ABCB11: variants seen among roughly 807,000 people sequenced by gnomAD.
ABCB11 encodes ATP binding cassette subfamily B member 11, also known as bile salt export pump.
ABCB11 carries 95 observed loss-of-function variants against 148.0 expected under a neutral mutation model. The observed-to-expected ratio is 0.64, with a 90% CI of 0.54 to 0.76. The LOEUF is 0.76. ABCB11 is among the 30% of genes least tolerant of loss of function. The pLI is 0.00. For synonymous variants in ABCB11, 591 were observed against 555.4 expected (o/e 1.06, Z -0.90); for missense variants, 1,523 against 1,617.8 (o/e 0.94, Z 1.01).
In ABCB11 at chr2:168,944,616, G is replaced by A; in HGVS notation, c.2599C>T (p.Gln867Ter). Reference sequence around the variant, plus strand: ...CTCCCATAGCTCACCCCTTGAACTTGGGAAGCATCTGTAGCAAGTCTTGTT... The same window carrying A: ...CTCCCATAGCTCACCCCTTGAACTTAGGAAGCATCTGTAGCAAGTCTTGTT... ...LTTRLATDAS[Q>*]VQGAAGSQIG... Residue 867 changes from glutamine (Q) to a stop codon, truncating the protein, a stop_gained, in exon 21 of 28, where the codon CAA becomes TAA. Transcript: ENST00000650372. LOFTEE classifies it high-confidence loss of function. 1 of 1,604,882 alleles carries A rather than the reference G, an allele frequency of 6.2e-7. No homozygotes were observed. Among genetic ancestry groups the A allele is most frequent in the Non-Finnish European group, 8.5e-7 (1 of 1,174,776 alleles).
Position 168,941,523 on chromosome 2 carries a change from A to G in ABCB11, c.2610+3082T>C, listed in dbSNP as rs77601801. 0.032 allele frequency among the ~76,000 whole-genome samples: 4,856 copies of G among 152,166 alleles called. 369 individuals carry two copies. The East Asian group carries it at 0.32, about 10-fold the overall frequency. On this transcript the variant is annotated intron_variant, in intron 21 of 27. Coordinates refer to ENST00000650372, the MANE Select transcript of ABCB11 (RefSeq NM_003742.4). ...TGCTGCATTAAATTGCTGCAATCTC[A>G]TGATAAAACTTGAATGGATAAGCAG... is the stretch of plus-strand genomic sequence containing the variant.
chr2:168,959,952 A>C (rs1334828662), intron 18 of ABCB11, among the ~76,000 whole-genome samples: 4 of 151,424 alleles, frequency 2.6e-5, no homozygotes, highest in Admixed American at 2.6e-4. Context: ...AAAAAAAAAA[A>C]AAAAAAACCC....
chr2:168,964,826 A>G (rs949712771), intron 17 of ABCB11, among the ~76,000 whole-genome samples: 4 of 151,872 alleles, frequency 2.6e-5, no homozygotes, highest in African/African-American at 9.7e-5. Flanking sequence ...TCAGACATGC[A>G]TGAATGAGTA....
intron 25 of ABCB11, among the ~76,000 whole-genome samples, chr2:168,929,777 G>A (rs34193789): frequency 0.19 from 28,624 of 152,092 alleles, 2,842 homozygotes; most frequent in Non-Finnish European, 0.21. Flanking sequence ...TAAATAGAAG[G>A]CCTAAAAAAT....
downstream of ABCB11, among the ~76,000 whole-genome samples, chr2:168,918,171 C>A (rs941649856): frequency 6.6e-6 from 1 of 152,102 alleles, no homozygotes; most frequent in African/African-American, 2.4e-5. Flanking sequence ...TTATTCCTTA[C>A]GTGGGGGCTG....
intron 13 of ABCB11, 139 bp downstream of exon 13, chr2:168,973,576 C>G (rs1418593073): frequency 3.7e-5 from 40 of 1,079,118 alleles, no homozygotes; most frequent in Non-Finnish European, 4.2e-5. Context: ...CGTGTCCCAT[C>G]AATTCAGTAA....
intron 24 of ABCB11, 148 bp from the exon 25 acceptor site, chr2:168,931,010 A>G: frequency 1.5e-6 from 1 of 686,924 alleles, no homozygotes; most frequent in Admixed American, 2.9e-5. Context: ...CAACTTAATA[A>G]AAGGACATTC....
intron 5 of ABCB11, 39 bp downstream of exon 5, chr2:169,013,233 G>A (rs768436395): frequency 6.7e-7 from 1 of 1,484,994 alleles, no homozygotes. Flanking sequence ...TTTAAGATAT[G>A]AGCAAAAAAG....
chr2:168,993,177 G>A (rs1419883051), intron 8 of ABCB11, among the ~76,000 whole-genome samples: 6 of 152,012 alleles, frequency 3.9e-5, no homozygotes, highest in Non-Finnish European at 8.8e-5. Context: ...AGTTGTGATT[G>A]CAGAAATCCT....
At chr2:168,927,902 C>T (rs1004094297) in intron 25 of ABCB11, among the ~76,000 whole-genome samples, 1 of 152,172 alleles carries the variant, frequency 6.6e-6, no homozygotes, top group Non-Finnish European at 1.5e-5. Flanking sequence ...CCACAAAGCA[C>T]CATCCTAAGC....
chr2:168,974,703 A>C (rs1053103646), intron 12 of ABCB11, among the ~76,000 whole-genome samples: 2 of 151,988 alleles, frequency 1.3e-5, no homozygotes, highest in Non-Finnish European at 2.9e-5. Flanking sequence ...AGGTTTAAGT[A>C]AGAAGATTTT....
At position 168,970,235 on chromosome 2, in the gene ABCB11, A is replaced by C; in HGVS notation, c.1639-20T>G. 1.2e-6 allele frequency: 2 copies of C among 1,606,186 alleles called. No homozygotes were observed. The highest frequency in any genetic ancestry group is 8.5e-7 in the Non-Finnish European group (1 of 1,175,676). ...AAATTGCTAGATGGAAGGTGACACC[A>C]GTCATGAAGGGAAAAGAATTTGATG... On this transcript the variant is annotated intron_variant, in intron 14 of 27. Transcript: ENST00000650372.
At chr2:168,944,562 C>T (rs1692213186) in intron 21 of ABCB11, 43 bp downstream of exon 21, 3 of 1,530,886 alleles carry the variant, frequency 2.0e-6, no homozygotes, top group Non-Finnish European at 2.6e-6. Flanking sequence ...TGAAAGAATG[C>T]CAATGCAGTT....
In ABCB11 at chr2:168,939,003, G is replaced by C. The variant is rs896377303; in HGVS notation, c.2611-2570C>G. Among the ~76,000 whole-genome samples the C allele has an allele frequency of 9.2e-5, 14 of 151,502 alleles. 1 individual carries two copies. Among genetic ancestry groups the C allele is most frequent in the Non-Finnish European group, 1.5e-4 (10 of 67,882 alleles). Reference sequence around the variant, plus strand: ...TCAATGGTACATAACTATCCTTCCAGATCAATATATAGGAACACTTTAAAA... The same window carrying C: ...TCAATGGTACATAACTATCCTTCCACATCAATATATAGGAACACTTTAAAA... On this transcript the variant is annotated intron_variant, in intron 21 of 27. Transcript: ENST00000650372.
chr2:169,003,872 T>C (rs1029884785), intron 5 of ABCB11, among the ~76,000 whole-genome samples: 12 of 152,220 alleles, frequency 7.9e-5, no homozygotes, highest in African/African-American at 2.4e-4. Flanking sequence ...TCAGCATTTG[T>C]TTGTCTGGAA....
Position 168,922,098 on chromosome 2 carries a change from C to A in ABCB11, c.*1524G>T, listed in dbSNP as rs150729386. On this transcript the variant is annotated 3_prime_UTR_variant, in exon 28 of 28. Coordinates refer to ENST00000650372, the MANE Select transcript of ABCB11 (RefSeq NM_003742.4). ...TCTCTCGACCTCATGATCCGCCCGCCTTGGCCTCCCAAAGTGCTGGGATTA... is the reference window on the plus strand; with the variant it reads ...TCTCTCGACCTCATGATCCGCCCGCATTGGCCTCCCAAAGTGCTGGGATTA... Among the ~76,000 whole-genome samples the A allele has an allele frequency of 0.024, 3,681 of 152,252 alleles. 68 individuals are homozygous for A. The highest frequency in any genetic ancestry group is 0.041 in the Non-Finnish European group (2,757 of 68,002).
rs13416802 is a variant in ABCB11 at position 168,985,828 on chromosome 2, G to C, written c.1083+282C>G. Among the ~76,000 whole-genome samples the C allele has an allele frequency of 0.24, 35,712 of 151,842 alleles. 5,534 individuals are homozygous for C. Among genetic ancestry groups the C allele is most frequent in the East Asian group, 0.56 (2,874 of 5,138 alleles). On this transcript the variant is annotated intron_variant, in intron 10 of 27. Transcript: ENST00000650372. ...GAAGGCAGTGAAGGATAAAAGACCA[G>C]AGCTTGGATTCAGTGTATACTGCTT... is the stretch of plus-strand genomic sequence containing the variant.
At chr2:168,932,562 A>G in intron 23 of ABCB11, 29 bp from the exon 24 acceptor site, 1 of 1,609,500 alleles carries the variant, frequency 6.2e-7, no homozygotes, top group Non-Finnish European at 8.5e-7. Context: ...ACAGGAAGAG[A>G]GCAGGGTGGC....
chr2:168,982,660 G>A (rs1015184479), intron 10 of ABCB11, among the ~76,000 whole-genome samples: 10 of 152,048 alleles, frequency 6.6e-5, no homozygotes, highest in African/African-American at 2.2e-4. Flanking sequence ...ATCACAAAAC[G>A]TACTGGATTA....
Sources: allele counts gnomAD v4.1 joint callset (sites outside exome capture counted in the v4.1 genomes callset), GRCh38; gene constraint gnomAD v4.1.1; transcripts MANE v1.5; gene names NCBI Gene and HGNC (gene_info 2026-07-23, HGNC 2026-07-21).